USP34: variants seen among roughly 807,000 people sequenced by gnomAD.
The protein encoded by USP34 is ubiquitin specific peptidase 34, also known as ubiquitin carboxyl-terminal hydrolase 34.
A neutral mutation model predicts 460.3 loss-of-function variants in USP34; 70 were observed. The ratio of observed to expected loss-of-function variants is 0.15; its 90% CI spans 0.13 to 0.19. USP34 has a LOEUF of 0.19. Ranked by LOEUF, USP34 falls within the 10% of genes least tolerant of loss-of-function variation. The probability of loss-of-function intolerance (pLI) is 1.00; values close to 1 mark genes in which losing one functional copy is unlikely to be tolerated. For synonymous variants in USP34, 1,647 were observed against 1,405.3 expected, an observed-to-expected ratio of 1.17 and a Z score of -3.85; for missense variants, 3,985 against 4,236.2, an observed-to-expected ratio of 0.94 and a Z score of 1.65.
Position 61,214,174 on chromosome 2 carries a change from G to A in USP34, c.8568C>T (p.Gly2856=), listed in dbSNP as rs746951445. 1 of 1,614,214 alleles carries A rather than the reference G, an allele frequency of 6.2e-7. No homozygotes were observed. The highest frequency in any genetic ancestry group is 1.3e-5 in the African/African-American group (1 of 75,042). The part of the protein sequence containing the change: ...FNRGMLPAYY[G]ILRLCCEQSP... ...ACTGCTCACAGCAGAGCCTCAGAAT[G>A]CCATAGTACGCTGGCAGCATCCCAC... is the stretch of plus-strand genomic sequence containing the variant. Residue 2856 remains glycine (G), a synonymous_variant, in exon 68 of 80, where the codon GGC becomes GGT. Coordinates refer to ENST00000398571, the MANE Select transcript of USP34 (RefSeq NM_014709.4).
intron 10 of USP34, among the ~76,000 whole-genome samples, chr2:61,351,845 A>G (rs1466266903): frequency 6.6e-6 from 1 of 152,240 alleles, no homozygotes; most frequent in East Asian, 1.9e-4. Flanking sequence ...TCCATTTAAA[A>G]AACAATGGCA....
intron 2 of USP34, among the ~76,000 whole-genome samples, chr2:61,411,717 C>A (rs1287478513): frequency 1.3e-5 from 2 of 152,148 alleles, no homozygotes; most frequent in African/African-American, 4.8e-5. Flanking sequence ...TTAGCCCCAA[C>A]AAGAAAGCCT....
At chr2:61,310,555 A>G (rs983412250) in intron 27 of USP34, among the ~76,000 whole-genome samples, 5 of 151,090 alleles carry the variant, frequency 3.3e-5, no homozygotes, top group African/African-American at 1.2e-4. Flanking sequence ...TATAGCACAT[A>G]TATATGTATA....
chr2:61,362,002 T>C (rs575503471), intron 10 of USP34, among the ~76,000 whole-genome samples: 2 of 152,078 alleles, frequency 1.3e-5, no homozygotes, highest in East Asian at 3.9e-4. Context: ...AATAACCCTA[T>C]GTAGGGCAAA....
intron 15 of USP34, 111 bp from the exon 16 acceptor site, chr2:61,344,140 A>C: frequency 2.2e-6 from 2 of 929,564 alleles, no homozygotes; most frequent in Non-Finnish European, 3.2e-6. Flanking sequence ...ACAAACCGAC[A>C]TCTGCTTATT....
intron 29 of USP34, among the ~76,000 whole-genome samples, chr2:61,297,440 T>G (rs1370052414): frequency 6.6e-6 from 1 of 152,222 alleles, no homozygotes; most frequent in East Asian, 1.9e-4. Flanking sequence ...CCATTATCAT[T>G]TGTTAAATCT....
At chr2:61,434,018 C>T (rs1381301549) in intron 1 of USP34, among the ~76,000 whole-genome samples, 1 of 152,184 alleles carries the variant, frequency 6.6e-6, no homozygotes, top group Non-Finnish European at 1.5e-5. Flanking sequence ...CTGACAGTCC[C>T]ATCCAGGACA....
chr2:61,348,114 A>C lies in USP34; in HGVS notation c.2041T>G (p.Ser681Ala), dbSNP rs758110889. 1 of 1,614,158 alleles carries C rather than the reference A, an allele frequency of 6.2e-7. No homozygotes were observed. Among genetic ancestry groups the C allele is most frequent in the Non-Finnish European group, 8.5e-7 (1 of 1,180,026 alleles). ...TGKDLVFNTESLPSVDNRMRM... is the reference protein window; with the variant it reads ...TGKDLVFNTEALPSVDNRMRM... ...ATTCGATTATCTACTGATGGCAATG[A>C]TTCAGTGTTAAAAACCAGGTCCTTT... The change falls in exon 15 of 80, where the codon TCA becomes GCA. Residue 681 changes from serine (S) to alanine (A), a missense_variant. Physicochemically the swap from Ser to Ala is moderately conservative, Grantham distance 99. Transcript: ENST00000398571.
At chr2:61,236,303 C>G in intron 54 of USP34, 22 bp downstream of exon 54, 1 of 1,595,466 alleles carries the variant, frequency 6.3e-7, no homozygotes, top group Non-Finnish European at 8.5e-7. Context: ...AAAATATCTA[C>G]TATGAAATTT....
At position 61,358,191 on chromosome 2, in the gene USP34, C is replaced by G. The variant is rs559088206; in HGVS notation, c.1252-7498G>C. Among the ~76,000 whole-genome samples, 11 of 99,588 alleles carry G rather than the reference C, an allele frequency of 1.1e-4. No homozygotes were observed. In the East Asian group the frequency reaches 4.2e-3, roughly 38 times the overall value. The allele number at this position is 99,588 out of a possible 152,430, so 65.3% of individuals were successfully genotyped here. On this transcript the variant is annotated intron_variant, in intron 10 of 79. Transcript: ENST00000398571. Reference sequence around the variant, plus strand: ...TGGGCAAGACAGAGCGAGATTCCATCTAAAATAAATAAATAAATAAATAAA... The same window carrying G: ...TGGGCAAGACAGAGCGAGATTCCATGTAAAATAAATAAATAAATAAATAAA...
chr2:61,372,743 T>C (rs1692666959), intron 8 of USP34, among the ~76,000 whole-genome samples: 1 of 152,302 alleles, frequency 6.6e-6, no homozygotes, highest in East Asian at 1.9e-4. Context: ...GGGACTTTCG[T>C]AATAATGATG....
chr2:61,230,473 G>A (rs1687861027), intron 58 of USP34, among the ~76,000 whole-genome samples: 1 of 152,076 alleles, frequency 6.6e-6, no homozygotes, highest in Non-Finnish European at 1.5e-5. Context: ...GCAGTGAGAC[G>A]TGATCACGCC....
chr2:61,271,708 A>G (rs2103934325), intron 41 of USP34, among the ~76,000 whole-genome samples: 1 of 152,166 alleles, frequency 6.6e-6, no homozygotes, highest in South Asian at 2.1e-4. Flanking sequence ...AAGAAGGGGG[A>G]AGGAGGAGGA....
At chr2:61,397,096 A>G (rs1693553059) in intron 3 of USP34, among the ~76,000 whole-genome samples, 1 of 152,172 alleles carries the variant, frequency 6.6e-6, no homozygotes, top group Non-Finnish European at 1.5e-5. Context: ...TGAAGAAAAA[A>G]GAGAAGTTCA....
At chr2:61,437,797 A>ATAAG (rs1387651915) in intron 1 of USP34, among the ~76,000 whole-genome samples, 1 of 149,600 alleles carries the variant, frequency 6.7e-6, no homozygotes, top group Non-Finnish European at 1.5e-5. Context: ...AAATAAATAA[A>ATAAG]TAAATAAATA....
intron 22 of USP34, 26 bp downstream of exon 22, chr2:61,319,147 T>C: frequency 1.3e-6 from 2 of 1,527,988 alleles, no homozygotes; most frequent in Non-Finnish European, 1.7e-6. Flanking sequence ...GGAAAAATAA[T>C]AACAAACTGA....
intron 16 of USP34, among the ~76,000 whole-genome samples, chr2:61,342,061 C>T (rs370757627): frequency 2.1e-4 from 32 of 152,072 alleles, no homozygotes; most frequent in South Asian, 6.2e-4. Context: ...CCGCACCAGG[C>T]GATTTCTTTA....
intron 27 of USP34, among the ~76,000 whole-genome samples, chr2:61,303,075 T>A (rs1690278926): frequency 6.7e-6 from 1 of 149,558 alleles, no homozygotes. Context: ...TATTGTAAGT[T>A]TTTTTTTTTG....
chr2:61,371,686 T>C (rs1036071105), intron 8 of USP34, among the ~76,000 whole-genome samples: 38 of 152,178 alleles, frequency 2.5e-4, no homozygotes, highest in Admixed American at 1.6e-3. Flanking sequence ...AAGTCTACAG[T>C]AGTGTAGAGT....
Sources: allele counts gnomAD v4.1 joint callset (sites outside exome capture counted in the v4.1 genomes callset), GRCh38; gene constraint gnomAD v4.1.1; transcripts MANE v1.5; gene names NCBI Gene and HGNC (gene_info 2026-07-23, HGNC 2026-07-21).